Variants in ERBB4 observed in about 807,000 individuals in gnomAD.
ERBB4 encodes receptor tyrosine-protein kinase erbB-4.
In ERBB4, 42 loss-of-function variants were observed where a neutral mutation model predicts 158.0. The observed-to-expected ratio is 0.27, with a 90% CI of 0.21 to 0.34. The LOEUF is 0.34. ERBB4 is among the 10% of genes least tolerant of loss of function. The probability of loss-of-function intolerance (pLI) is 1.00; values close to 1 mark genes in which losing one functional copy is unlikely to be tolerated. For missense variants in ERBB4, 1,333 were observed against 1,624.1 expected (o/e 0.82, Z 3.08); for synonymous variants, 583 against 558.7 (o/e 1.04, Z -0.61).
At chr2:212,071,834 A>G (rs979142318) in intron 2 of ERBB4, among the ~76,000 whole-genome samples, 45 of 152,014 alleles carry the variant, frequency 3.0e-4, no homozygotes, top group Non-Finnish European at 1.2e-4. Flanking sequence ...TCTCTAGTCT[A>G]GGCAAGTAAT....
At chr2:211,820,414 A>G (rs2076968907) in intron 3 of ERBB4, among the ~76,000 whole-genome samples, 3 of 152,072 alleles carry the variant, frequency 2.0e-5, no homozygotes, top group Non-Finnish European at 4.4e-5. Context: ...CACCAATGAC[A>G]AGTAACAGGT....
intron 1 of ERBB4, among the ~76,000 whole-genome samples, chr2:212,160,458 C>CT (rs1240427233): frequency 1.3e-5 from 2 of 151,880 alleles, no homozygotes; most frequent in African/African-American, 2.4e-5. Flanking sequence ...TAAATAAAAC[C>CT]TTTTTTTAAA....
chr2:211,538,648 C>A (rs944909497), intron 20 of ERBB4, among the ~76,000 whole-genome samples: 2 of 151,778 alleles, frequency 1.3e-5, no homozygotes, highest in Non-Finnish European at 2.9e-5. Flanking sequence ...GTCCCGTAAT[C>A]CTTTTATTCT....
intron 20 of ERBB4, among the ~76,000 whole-genome samples, chr2:211,441,226 T>A (rs951977577): frequency 2.0e-5 from 3 of 152,166 alleles, no homozygotes; most frequent in South Asian, 2.1e-4. Flanking sequence ...GCATAAAGAC[T>A]AAGAGAAAGA....
At chr2:211,442,387 TATCCATCCATCC>T (rs10593679) in intron 20 of ERBB4, among the ~76,000 whole-genome samples, 6 of 151,056 alleles carry the variant, frequency 4.0e-5, no homozygotes, top group African/African-American at 1.5e-4. Flanking sequence ...GACAGGTATC[TATCCATCCATCC>T]ATCCATCCAT....
chr2:211,723,819 G>C (rs1188779658), intron 6 of ERBB4, among the ~76,000 whole-genome samples: 1 of 152,180 alleles, frequency 6.6e-6, no homozygotes, highest in Non-Finnish European at 1.5e-5. Context: ...CTTTGCGACA[G>C]CATACAAAAC....
At chr2:212,284,571 G>A (rs180794939) in intron 1 of ERBB4, among the ~76,000 whole-genome samples, 8 of 152,024 alleles carry the variant, frequency 5.3e-5, no homozygotes, top group African/African-American at 1.7e-4. Flanking sequence ...TCCATTTGTG[G>A]TGTACTTCAA....
chr2:211,731,783 C>A (rs2074433826), intron 5 of ERBB4, among the ~76,000 whole-genome samples: 1 of 152,082 alleles, frequency 6.6e-6, no homozygotes, highest in African/African-American at 2.4e-5. Flanking sequence ...CACAGACCAT[C>A]CAAGAAGAGG....
intron 2 of ERBB4, among the ~76,000 whole-genome samples, chr2:212,081,202 G>T (rs1037807636): frequency 6.6e-6 from 1 of 152,140 alleles, no homozygotes; most frequent in Non-Finnish European, 1.5e-5. Context: ...AAAAAGACGG[G>T]TGGTGAGGGA....
intron 1 of ERBB4, among the ~76,000 whole-genome samples, chr2:212,433,619 T>A (rs1238640080): frequency 1.3e-5 from 2 of 151,972 alleles, no homozygotes; most frequent in Non-Finnish European, 2.9e-5. Flanking sequence ...GAACAGCTGA[T>A]CCAAGAAAAA....
rs1171513532 is a variant in ERBB4, at chr2:211,745,724, C to CAA, written c.622+4913_622+4914dup. On this transcript the variant is annotated intron_variant, in intron 5 of 27. Coordinates refer to ENST00000342788, the MANE Select transcript of ERBB4 (RefSeq NM_005235.3). Reference sequence around the variant, plus strand: ...CCACCCTCCACCGCCAGAAAAAAAACAAAAACAAAACAAAAAAAACCCTTA... The same window carrying CAA: ...CCACCCTCCACCGCCAGAAAAAAAACAAAAAAACAAAACAAAAAAAACCCTTA... Among the ~76,000 whole-genome samples the CAA allele has an allele frequency of 1.2e-3, 102 of 84,628 alleles. 3 individuals carry two copies. Among genetic ancestry groups the CAA allele is most frequent in the African/African-American group, 3.5e-3 (92 of 26,194 alleles). The allele number at this position is 84,628 out of a possible 152,430, so 55.5% of individuals were successfully genotyped here.
At chr2:212,433,016 G>A (rs1427026403) in intron 1 of ERBB4, among the ~76,000 whole-genome samples, 1 of 151,968 alleles carries the variant, frequency 6.6e-6, no homozygotes, top group Non-Finnish European at 1.5e-5. Flanking sequence ...ACATCGAAGG[G>A]TTATATGTAC....
chr2:212,531,781 T>C (rs1455157758), intron 1 of ERBB4, among the ~76,000 whole-genome samples: 4 of 152,198 alleles, frequency 2.6e-5, no homozygotes, highest in Admixed American at 6.5e-5. Context: ...ATACAGATAG[T>C]ACTGTGGGCT....
chr2:211,567,176 T>A (rs969634202), intron 19 of ERBB4, among the ~76,000 whole-genome samples: 1 of 152,206 alleles, frequency 6.6e-6, no homozygotes, highest in Non-Finnish European at 1.5e-5. Flanking sequence ...GCCCAGGTCA[T>A]GTGACTTGTT....
chr2:211,861,051 A>AAT (rs1559585436), intron 3 of ERBB4, among the ~76,000 whole-genome samples: 221 of 6,646 alleles, frequency 0.033, 36 homozygotes, highest in African/African-American at 0.1. Flanking sequence ...TTATATATTT[A>AAT]TATATATATA....
At chr2:212,028,563 T>C (rs2076828249) in intron 2 of ERBB4, among the ~76,000 whole-genome samples, 1 of 152,120 alleles carries the variant, frequency 6.6e-6, no homozygotes, top group Admixed American at 6.6e-5. Flanking sequence ...TGTTCCATTC[T>C]AGGCAGGGAA....
intron 4 of ERBB4, chr2:211,778,395 A>G (rs2075943850): frequency 6.6e-6 from 1 of 152,064 alleles, no homozygotes; most frequent in Non-Finnish European, 1.5e-5. Context: ...TAGGCCAACC[A>G]GGAACTCTGC....
intron 1 of ERBB4, among the ~76,000 whole-genome samples, chr2:212,389,050 T>C (rs1016222466): frequency 3.3e-5 from 5 of 152,220 alleles, no homozygotes; most frequent in African/African-American, 9.6e-5. Flanking sequence ...GTGTATAGAC[T>C]ACAGGTTAGG....
chr2:211,612,248 A>G (rs556517682), intron 19 of ERBB4, among the ~76,000 whole-genome samples: 31 of 152,020 alleles, frequency 2.0e-4, no homozygotes, highest in African/African-American at 7.2e-4. Context: ...AAAAAAATCA[A>G]TTCAGACAAT....
Sources: gnomAD v4.1 joint callset for allele counts (sites outside exome capture counted in the v4.1 genomes callset) on GRCh38, gnomAD v4.1.1 for gene constraint, MANE v1.5 for transcripts, NCBI Gene and HGNC (gene_info 2026-07-23, HGNC 2026-07-21) for gene names.